The following GLI3 variants were observed in gnomAD, a reference collection of about 807,000 sequenced individuals.
GLI3 encodes GLI family zinc finger 3.
Under a neutral mutation model 100.8 loss-of-function variants are expected in GLI3, and 20 were observed. The ratio of observed to expected loss-of-function variants is 0.20; its 90% confidence interval spans 0.14 to 0.29. The LOEUF is 0.29. GLI3 is among the 10% of genes least tolerant of loss of function. The pLI is 1.00. For synonymous variants in GLI3, 938 were observed against 860.5 expected (o/e 1.09, Z -1.58); for missense variants, 2,040 against 2,128.5 (o/e 0.96, Z 0.82).
rs1208619968 is a variant in GLI3 at position 42,165,143 on chromosome 7, T to C, written c.125-16675A>G. Among the ~76,000 whole-genome samples, 3 of 151,216 alleles carry C rather than the reference T, an allele frequency of 2.0e-5. No individual in the cohort carries two copies. In the East Asian group the frequency reaches 5.8e-4, roughly 29 times the overall value. On this transcript the variant is annotated intron_variant, in intron 2 of 14. Coordinates refer to ENST00000395925, the MANE Select transcript of GLI3 (RefSeq NM_000168.6). Reference sequence around the variant, plus strand: ...TACAAAAATTAGCCAGGCGTGGAGATTGCAGTGAGCCTGGGCAACAGAGTG... The same window carrying C: ...TACAAAAATTAGCCAGGCGTGGAGACTGCAGTGAGCCTGGGCAACAGAGTG...
chr7:42,026,391 G>A lies in GLI3; in HGVS notation c.1050C>T (p.Tyr350=), dbSNP rs751348938. Residue 350 remains tyrosine, a synonymous_variant, in exon 8 of 15, where the codon TAC becomes TAT. Transcript: ENST00000395925. ...SAISPALSFT[Y]SSAPVSLHMH... is the part of the protein sequence containing the mutation. ...TGTGGAGAGAGACGGGCGCGGAAGA[G>A]TAGGTGAAGCTCAAGGCAGGGCTGC... 1 of 1,614,130 alleles carries A rather than the reference G, an allele frequency of 6.2e-7. No individual in the cohort carries two copies. The highest frequency in any genetic ancestry group is 1.1e-5 in the South Asian group (1 of 91,078).
At position 42,246,805 on chromosome 7, in the gene GLI3, C is replaced by CTTT. The variant is rs71006467; in HGVS notation, c.-43+17186_-43+17188dup. Reference sequence around the variant, plus strand: ...TTAAAGGCTCATTGGATGATAGAATCTTTTTTTTTTTTTTTTTTTTTTTTT... The same window carrying CTTT: ...TTAAAGGCTCATTGGATGATAGAATCTTTTTTTTTTTTTTTTTTTTTTTTTTTT... On this transcript the variant is annotated intron_variant, in intron 1 of 2. Coordinates refer to the GLI3 transcript ENST00000678978. Among the ~76,000 whole-genome samples the CTTT allele has an allele frequency of 6.5e-3, 619 of 94,908 alleles. 71 individuals are homozygous for CTTT. Among genetic ancestry groups the CTTT allele is most frequent in the Non-Finnish European group, 8.1e-3 (398 of 49,198 alleles). 62.3% of individuals were successfully genotyped at this position (94,908 alleles called of 152,430 possible).
In GLI3 at chr7:41,964,691, G is replaced by A. The variant is rs149543947; in HGVS notation, c.4382C>T (p.Ser1461Phe). ...TAGCAGGCAGCTGGCGTCTGAAATA[G>A]AGAATGAACCAGCTTTCGTGTCTTG... is the stretch of plus-strand genomic sequence containing the variant. The part of the protein sequence containing the change: ...SQQDTKAGSF[S>F]ISDASCLLQG... Residue 1461 changes from serine (S) to phenylalanine (F), a missense_variant, in exon 15 of 15, where the codon TCT becomes TTT. Ser to Phe is a radical substitution (Grantham distance 155). This residue lies in a region of GLI3 where 1,041 missense variants were observed against 924.0 expected (regional missense o/e 1.13). Coordinates refer to ENST00000395925, the MANE Select transcript of GLI3 (RefSeq NM_000168.6). 25 of 1,614,108 alleles carry A rather than the reference G, an allele frequency of 1.5e-5. No homozygotes were observed. In the African/African-American group the frequency reaches 2.8e-4, roughly 18 times the overall value.
At chr7:42,151,794 C>G (rs964058138) in intron 2 of GLI3, 3 of 152,164 alleles carry the variant, frequency 2.0e-5, no homozygotes, top group Non-Finnish European at 4.4e-5. Context: ...ATCCCTGCCC[C>G]CAGAGAGCTG....
At chr7:42,088,741 G>C (rs1381018879) in intron 3 of GLI3, among the ~76,000 whole-genome samples, 2 of 152,204 alleles carry the variant, frequency 1.3e-5, no homozygotes, top group African/African-American at 4.8e-5. Context: ...TGATAGGCTT[G>C]GGGGTGTCAA....
chr7:42,205,747 G>T (rs1201962383), intron 2 of GLI3, among the ~76,000 whole-genome samples: 1 of 152,128 alleles, frequency 6.6e-6, no homozygotes, highest in East Asian at 1.9e-4. Context: ...CTTGCCAACT[G>T]TTATTTCCTA....
intron 4 of GLI3, among the ~76,000 whole-genome samples, chr7:42,068,939 G>T (rs1784729686): frequency 6.6e-6 from 1 of 152,110 alleles, no homozygotes; most frequent in African/African-American, 2.4e-5. Flanking sequence ...TAAATAAAAT[G>T]ACAACAGTAA....
intron 1 of GLI3, among the ~76,000 whole-genome samples, chr7:42,248,486 C>A (rs1021147688): frequency 5.3e-5 from 8 of 152,118 alleles, no homozygotes; most frequent in Non-Finnish European, 1.2e-4. Flanking sequence ...GTCCAGTCCA[C>A]AATTTGGAGA....
intron 2 of GLI3, among the ~76,000 whole-genome samples, chr7:42,210,590 G>C (rs769660700): frequency 2.6e-5 from 4 of 152,036 alleles, no homozygotes; most frequent in Non-Finnish European, 4.4e-5. Flanking sequence ...TATTAAGAAA[G>C]GGTTTTTCTC....
chr7:42,071,583 C>T (rs954106204), intron 4 of GLI3, among the ~76,000 whole-genome samples: 5 of 152,096 alleles, frequency 3.3e-5, no homozygotes, highest in African/African-American at 1.2e-4. Flanking sequence ...AAAGATAATA[C>T]CAGGACAAGC....
intron 3 of GLI3, among the ~76,000 whole-genome samples, chr7:42,142,592 G>A (rs1017369134): frequency 3.3e-5 from 5 of 152,006 alleles, no homozygotes; most frequent in African/African-American, 9.7e-5. Context: ...ACAGAGATAC[G>A]CAGACTCACG....
chr7:42,081,420 T>C (rs1407770128), intron 3 of GLI3, among the ~76,000 whole-genome samples: 1 of 152,180 alleles, frequency 6.6e-6, no homozygotes, highest in Non-Finnish European at 1.5e-5. Flanking sequence ...GAATGGTCTT[T>C]AAACCCTATA....
chr7:42,004,653 T>C (rs1788397900), intron 10 of GLI3, among the ~76,000 whole-genome samples: 1 of 152,286 alleles, frequency 6.6e-6, no homozygotes, highest in South Asian at 2.1e-4. Flanking sequence ...AGGAAAATTA[T>C]TTAAAATAGA....
At chr7:42,064,167 A>C (rs1282120933) in intron 4 of GLI3, among the ~76,000 whole-genome samples, 1 of 152,174 alleles carries the variant, frequency 6.6e-6, no homozygotes, top group Admixed American at 6.5e-5. Context: ...TCACATAAGG[A>C]AAGTGCAGGC....
chr7:42,253,598 G>A (rs1226335738), intron 1 of GLI3, among the ~76,000 whole-genome samples: 1 of 152,218 alleles, frequency 6.6e-6, no homozygotes, highest in East Asian at 1.9e-4. Flanking sequence ...AGTCTCTGGA[G>A]CCAGACTGCT....
intron 1 of GLI3, chr7:42,227,610 C>CGTAA (rs1788607411): frequency 6.6e-6 from 1 of 152,146 alleles, no homozygotes; most frequent in Non-Finnish European, 1.5e-5. Flanking sequence ...GCGTCAACCT[C>CGTAA]TTACAACACA....
At chr7:42,148,852 G>A (rs1330184758) in intron 2 of GLI3, among the ~76,000 whole-genome samples, 1 of 152,188 alleles carries the variant, frequency 6.6e-6, no homozygotes, top group Non-Finnish European at 1.5e-5. Context: ...GACTGTGCAT[G>A]TCCAGCTTCC....
chr7:42,221,046 G>T (rs1189707861), intron 2 of GLI3, among the ~76,000 whole-genome samples: 1 of 152,192 alleles, frequency 6.6e-6, no homozygotes, highest in African/African-American at 2.4e-5. Context: ...AAAGCCAGGG[G>T]AGTGTGGTTG....
At position 42,048,607 on chromosome 7, in the gene GLI3, G is replaced by A. The variant is rs369926331; in HGVS notation, c.563C>T (p.Ser188Phe). ...GTAGGGATGTGGAGGGCTGAAGGGAGACTCGGAAGCAGCAGTGGGGTTCCG... is the reference window on the plus strand; with the variant it reads ...GTAGGGATGTGGAGGGCTGAAGGGAAACTCGGAAGCAGCAGTGGGGTTCCG... The part of the protein sequence containing the change: ...PHRNPTAASE[S>F]PFSPPHPYIN... Residue 188 changes from serine (S) to phenylalanine (F), a missense_variant, in exon 5 of 15, where the codon TCT becomes TTT. Around this residue, in one of 5 missense-constraint regions of GLI3, gnomAD observed 603 missense variants for 690.9 expected, o/e 0.87. Transcript: ENST00000395925. The A allele has an allele frequency of 1.9e-6, 3 of 1,611,532 alleles. No homozygotes were observed. The highest frequency in any genetic ancestry group is 2.5e-6 in the Non-Finnish European group (3 of 1,178,962).
Sources: allele counts gnomAD v4.1 joint callset (sites outside exome capture counted in the v4.1 genomes callset), GRCh38; gene constraint gnomAD v4.1.1; regional missense constraint gnomAD v4.1.1; transcripts MANE v1.5; gene names NCBI Gene and HGNC (gene_info 2026-07-23, HGNC 2026-07-21).